The following SUCO variants were observed in gnomAD, a reference collection of about 807,000 sequenced individuals.
The protein encoded by SUCO is SUN domain-containing ossification factor.
SUCO carries 57 observed loss-of-function variants against 148.1 expected under a neutral mutation model. The ratio of observed to expected loss-of-function variants is 0.38; its 90% CI spans 0.31 to 0.48. SUCO has a LOEUF of 0.48. Ranked by LOEUF, SUCO falls within the 20% of genes least tolerant of loss-of-function variation. The pLI, the probability that SUCO is intolerant of heterozygous loss-of-function variation, is 0.96. For missense variants in SUCO, 1,331 were observed against 1,468.2 expected (o/e 0.91, Z 1.53); for synonymous variants, 470 against 502.7 (o/e 0.93, Z 0.87).
Position 172,574,035 on chromosome 1 carries a change from G to A in SUCO, c.1157+37G>A, listed in dbSNP as rs775002891. On this transcript the variant is annotated intron_variant, in intron 10 of 23. Coordinates refer to ENST00000263688, the MANE Select transcript of SUCO (RefSeq NM_014283.5). ...AGCTGTTTCTATAGGGTCTATGTTG[G>A]ATCTCTGAAAAAAAGAAAAACAAAA... is the stretch of plus-strand genomic sequence containing the variant. 5 of 1,228,074 alleles carry A rather than the reference G, an allele frequency of 4.1e-6. No individual in the cohort carries two copies. The South Asian group carries it at 6.8e-5, about 17-fold the overall frequency. 76.1% of individuals were successfully genotyped at this position (1,228,074 alleles called of 1,614,324 possible). A position where few individuals can be genotyped will look rare whatever the true frequency, so the allele number is the denominator to read the frequency against.
intron 6 of SUCO, among the ~76,000 whole-genome samples, chr1:172,563,008 C>T (rs1192498171): frequency 6.6e-6 from 1 of 152,206 alleles, no homozygotes; most frequent in Non-Finnish European, 1.5e-5. Flanking sequence ...AAGGTACTTG[C>T]TTCCCCTTTG....
intron 9 of SUCO, among the ~76,000 whole-genome samples, chr1:172,572,701 A>AT (rs1655130709): frequency 7.3e-6 from 1 of 136,090 alleles, no homozygotes; most frequent in Non-Finnish European, 1.6e-5. Flanking sequence ...ATCAATAAAA[A>AT]AAAAAAAAAA....
Position 172,588,564 on chromosome 1 carries a change from A to G in SUCO, c.1659-196A>G, listed in dbSNP as rs1656395674. 3.0e-6 allele frequency: 3 copies of G among 985,038 alleles called. No homozygotes were observed. In the African/African-American group the frequency reaches 5.2e-5, roughly 17 times the overall value. 61.0% of individuals were successfully genotyped at this position (985,038 alleles called of 1,614,324 possible). On this transcript the variant is annotated intron_variant, in intron 17 of 23. Coordinates refer to ENST00000263688, the MANE Select transcript of SUCO (RefSeq NM_014283.5). ...TCTGGCTAGTCACTTGATAAATAGT[A>G]TTTCTCTTATCATTTCTGAGCAGTA... is the stretch of plus-strand genomic sequence containing the variant.
chr1:172,589,267 A>G lies in SUCO; in HGVS notation c.2166A>G (p.Glu722=), dbSNP rs751266428. Residue 722 remains glutamate, a synonymous_variant, in exon 18 of 24, where the codon GAA becomes GAG. Coordinates refer to ENST00000263688, the MANE Select transcript of SUCO (RefSeq NM_014283.5). ...VNHTVDAVEL[E]PSHSQTLSQS... Reference sequence around the variant, plus strand: ...ACACTGTAGATGCAGTTGAACTTGAACCAAGCCATTCTCAAACTCTTTCTC... The same window carrying G: ...ACACTGTAGATGCAGTTGAACTTGAGCCAAGCCATTCTCAAACTCTTTCTC... 1 of 1,613,804 alleles carries G rather than the reference A, an allele frequency of 6.2e-7. No homozygotes were observed. The highest frequency in any genetic ancestry group is 8.5e-7 in the Non-Finnish European group (1 of 1,179,876).
In SUCO at chr1:172,577,812, C is replaced by G. The variant is rs1336739697; in HGVS notation, c.1333C>G (p.Leu445Val). ...FGSEHFCPLS[L>V]IRVFGTSMVE... ...ATCAGAGCACTTTTGTCCATTAAGC[C>G]TTATAAGGTAATGCAGAACAAAATA... The change falls in exon 13 of 24, where the codon CTT (leucine) becomes GTT (valine). Residue 445 changes from leucine (L) to valine (V), a missense_variant. Coordinates refer to ENST00000263688, the MANE Select transcript of SUCO (RefSeq NM_014283.5). The G allele has an allele frequency of 5.6e-6, 9 of 1,609,068 alleles. No homozygotes were observed. Among genetic ancestry groups the G allele is most frequent in the Non-Finnish European group, 7.6e-6 (9 of 1,177,022 alleles).
rs149620852 is a variant in SUCO, at chr1:172,595,674, G to A, written c.2914-4390G>A. Among the ~76,000 whole-genome samples the A allele has an allele frequency of 4.6e-5, 7 of 152,284 alleles. 1 individual carries two copies. In the South Asian group the frequency reaches 1.5e-3, roughly 32 times the overall value. On this transcript the variant is annotated intron_variant, in intron 19 of 23. Coordinates refer to ENST00000263688, the MANE Select transcript of SUCO (RefSeq NM_014283.5). ...GTTAGTCTGATGGGCTTCCCTTTGT[G>A]GGTAACCCGACCTTTCTCTCTGGCT...
intron 1 of SUCO, among the ~76,000 whole-genome samples, chr1:172,550,270 T>G (rs1377057254): frequency 6.6e-6 from 1 of 152,064 alleles, no homozygotes; most frequent in Non-Finnish European, 1.5e-5. Context: ...TATATTATTT[T>G]GAATTGTGAA....
At position 172,575,561 on chromosome 1, in the gene SUCO, A is replaced by G; in HGVS notation, c.1201A>G (p.Arg401Gly). ...KWIKLGTFHG[R>G]DERNVQSFPL... ...GATTAAGCTGGGTACTTTTCATGGT[A>G]GAGATGAGCGGAATGTACAGAGTTT... The change falls in exon 11 of 24, where the codon AGA (arginine) becomes GGA (glycine). Residue 401 changes from arginine to glycine, a missense_variant. Around this residue, in one of 3 missense-constraint regions of SUCO, gnomAD observed 992 missense variants for 1,093.5 expected, o/e 0.91. Coordinates refer to ENST00000263688, the MANE Select transcript of SUCO (RefSeq NM_014283.5). 1.2e-6 allele frequency: 2 copies of G among 1,612,222 alleles called. No individual in the cohort carries two copies. Among genetic ancestry groups the G allele is most frequent in the Non-Finnish European group, 1.7e-6 (2 of 1,178,686 alleles).
chr1:172,534,240 T>C (rs969472761), intron 1 of SUCO, among the ~76,000 whole-genome samples: 1 of 152,186 alleles, frequency 6.6e-6, no homozygotes, highest in African/African-American at 2.4e-5. Context: ...CAGGCACTTC[T>C]GGAGTTTTTT....
Position 172,610,353 on chromosome 1 carries a change from A to C in SUCO, c.*94A>C. ...GAAGGGTTTGGGGGAGGGAGAAAATATTAATGGGAAAGGCATTCAGAAATT... is the reference window on the plus strand; with the variant it reads ...GAAGGGTTTGGGGGAGGGAGAAAATCTTAATGGGAAAGGCATTCAGAAATT... On this transcript the variant is annotated 3_prime_UTR_variant, in exon 24 of 24. Coordinates refer to ENST00000263688, the MANE Select transcript of SUCO (RefSeq NM_014283.5). 6.9e-7 allele frequency: 1 copy of C among 1,441,128 alleles called. No homozygotes were observed. Among genetic ancestry groups the C allele is most frequent in the Non-Finnish European group, 9.1e-7 (1 of 1,095,898 alleles). The allele number at this position is 1,441,128 out of a possible 1,614,324, so 89.3% of individuals were successfully genotyped here.
At chr1:172,549,099 A>G (rs1558174498) in intron 1 of SUCO, among the ~76,000 whole-genome samples, 1 of 151,876 alleles carries the variant, frequency 6.6e-6, no homozygotes, top group Non-Finnish European at 1.5e-5. Flanking sequence ...TTTGGTTTCT[A>G]TGTTAATTAA....
intron 11 of SUCO, among the ~76,000 whole-genome samples, chr1:172,576,521 CAA>C (rs1394403821): frequency 2.0e-5 from 3 of 149,224 alleles, no homozygotes; most frequent in African/African-American, 5.1e-5. Flanking sequence ...ATTATTAGTT[CAA>C]AAAAATTAAG....
intron 15 of SUCO, among the ~76,000 whole-genome samples, chr1:172,581,910 C>G (rs78601165): frequency 6.6e-6 from 1 of 152,150 alleles, no homozygotes; most frequent in South Asian, 2.1e-4. Flanking sequence ...ATATAATTTA[C>G]TTAACTACTA....
In SUCO at chr1:172,589,782, C is replaced by G; in HGVS notation, c.2681C>G (p.Ser894Cys). The G allele has an allele frequency of 6.2e-7, 1 of 1,612,314 alleles. No homozygotes were observed. Among genetic ancestry groups the G allele is most frequent in the Non-Finnish European group, 8.5e-7 (1 of 1,179,324 alleles). Residue 894 changes from serine (S) to cysteine (C), a missense_variant, in exon 18 of 24, where the codon TCT (serine) becomes TGT (cysteine). Physicochemically the swap from Ser to Cys is moderately radical, Grantham distance 112. This residue lies in a region of SUCO where 992 missense variants were observed against 1,093.5 expected (regional missense o/e 0.91). Coordinates refer to ENST00000263688, the MANE Select transcript of SUCO (RefSeq NM_014283.5). ...GATTTTTATGCTGAATTGCAAAATTCTACAGATCTAGGATATGCTAATGGA... is the reference window on the plus strand; with the variant it reads ...GATTTTTATGCTGAATTGCAAAATTGTACAGATCTAGGATATGCTAATGGA... ...ATDFYAELQN[S>C]TDLGYANGNL...
chr1:172,570,342 T>G, intron 8 of SUCO, 171 bp downstream of exon 8: 1 of 499,248 alleles, frequency 2.0e-6, no homozygotes, highest in Non-Finnish European at 3.5e-6. Flanking sequence ...TTACTTATAT[T>G]GGCTGATGTA....
rs752850850 is a variant in SUCO, at chr1:172,557,308, A to G, written c.472A>G (p.Ile158Val). 8 of 1,613,772 alleles carry G rather than the reference A, an allele frequency of 5.0e-6. No individual in the cohort carries two copies. In the African/African-American group the frequency reaches 8.0e-5, roughly 16 times the overall value. Residue 158 changes from isoleucine to valine, a missense_variant, in exon 5 of 24, where the codon ATA (isoleucine) becomes GTA (valine). Physicochemically the swap from Ile to Val is conservative, Grantham distance 29 (BLOSUM62 3). This residue lies in a region of SUCO where 992 missense variants were observed against 1,093.5 expected (regional missense o/e 0.91). Coordinates refer to ENST00000263688, the MANE Select transcript of SUCO (RefSeq NM_014283.5). ...DEIEKSGTIP[I>V]AKPSETEQSE... ...AATAGAAAAATCTGGTACTATTCCGATAGCCAAACCAAGTGAAACTGAGCA... is the reference window on the plus strand; with the variant it reads ...AATAGAAAAATCTGGTACTATTCCGGTAGCCAAACCAAGTGAAACTGAGCA...
intron 22 of SUCO, chr1:172,603,029 C>T (rs926615535): frequency 7.0e-6 from 3 of 426,990 alleles, no homozygotes; most frequent in Admixed American, 8.1e-5. Flanking sequence ...TTTGTTTGCA[C>T]ATGCTCCTGT....
At chr1:172,601,916 T>G in intron 20 of SUCO, 148 bp from the exon 21 acceptor site, 2 of 716,368 alleles carry the variant, frequency 2.8e-6, no homozygotes, top group Non-Finnish European at 4.1e-6. Flanking sequence ...TGTCATAGTT[T>G]ATTTTCAAAG....
In SUCO at chr1:172,533,424, A is replaced by G. The variant is rs745506396; in HGVS notation, c.-12A>G. ...TGTGCCGCCTTCTGGCAGGGGGAAG[A>G]AGGAGGAGAAGATGAAGAAGCACCG... On this transcript the variant is annotated 5_prime_UTR_variant, in exon 1 of 24. Coordinates refer to ENST00000263688, the MANE Select transcript of SUCO (RefSeq NM_014283.5). The G allele has an allele frequency of 9.2e-4, 1,433 of 1,557,100 alleles. 2 individuals are homozygous for G. The highest frequency in any genetic ancestry group is 1.1e-3 in the Non-Finnish European group (1,299 of 1,150,028).
Sources: gnomAD v4.1 joint callset for allele counts (sites outside exome capture counted in the v4.1 genomes callset) on GRCh38, gnomAD v4.1.1 for gene constraint, gnomAD v4.1.1 regional missense constraint, MANE v1.5 for transcripts, NCBI Gene and HGNC (gene_info 2026-07-23, HGNC 2026-07-21) for gene names.